RAB3C: variants seen among roughly 807,000 people sequenced by gnomAD.
RAB3C encodes the protein ras-related protein Rab-3C.
A neutral mutation model predicts 26.4 loss-of-function variants in RAB3C; 17 were observed. That is an observed-to-expected ratio of 0.64 (90% CI 0.44 to 0.97). The LOEUF (loss-of-function observed/expected upper bound fraction) is 0.97, where lower values mean the gene tolerates loss of function less well. Ranked by LOEUF, RAB3C falls within the 50% of genes least tolerant of loss-of-function variation. RAB3C has a pLI of 0.00. For missense variants in RAB3C, 242 were observed against 281.9 expected (o/e 0.86, Z 1.01); for synonymous variants, 91 against 95.9 (o/e 0.95, Z 0.30).
intron 3 of RAB3C, among the ~76,000 whole-genome samples, chr5:58,805,239 T>C (rs1358776922): frequency 2.0e-5 from 3 of 152,120 alleles, no homozygotes; most frequent in African/African-American, 7.2e-5. Flanking sequence ...ATAATGCTTT[T>C]ATAGCAATAC....
intron 3 of RAB3C, among the ~76,000 whole-genome samples, chr5:58,813,592 T>TTATATATATATATATA (rs869039335): frequency 1.5e-4 from 7 of 47,802 alleles, no homozygotes; most frequent in East Asian, 5.0e-4. Flanking sequence ...ATATTTATAT[T>TTATATATATATATATA]TATATATATA....
intron 4 of RAB3C, among the ~76,000 whole-genome samples, chr5:58,839,349 T>TTTTATTTTATTTA (rs1743824698): frequency 1.0e-5 from 1 of 98,784 alleles, no homozygotes; most frequent in Non-Finnish European, 2.5e-5. Context: ...TAAGTTTTTA[T>TTTTATTTTATTTA]TTTATTTATT....
intron 2 of RAB3C, among the ~76,000 whole-genome samples, chr5:58,705,306 C>T (rs1465265103): frequency 6.6e-6 from 1 of 152,148 alleles, no homozygotes; most frequent in Non-Finnish European, 1.5e-5. Context: ...AACAGCTTCT[C>T]ACAAGCGAAT....
intron 3 of RAB3C, among the ~76,000 whole-genome samples, chr5:58,818,096 C>T (rs778669753): frequency 2.6e-5 from 4 of 152,130 alleles, no homozygotes; most frequent in Non-Finnish European, 4.4e-5. Context: ...CCCTAATCGA[C>T]AATTGTTTTT....
intron 1 of RAB3C, among the ~76,000 whole-genome samples, chr5:58,610,025 A>G (rs1746661835): frequency 6.6e-6 from 1 of 152,114 alleles, no homozygotes; most frequent in African/African-American, 2.4e-5. Flanking sequence ...CTGAGAGACA[A>G]ACGTGGAGAC....
At chr5:58,690,940 C>T (rs923721618) in intron 2 of RAB3C, among the ~76,000 whole-genome samples, 2 of 152,010 alleles carry the variant, frequency 1.3e-5, no homozygotes, top group African/African-American at 4.8e-5. Context: ...AGCAATTGAT[C>T]ATAAGATAAG....
chr5:58,703,234 G>A (rs1748883273), intron 2 of RAB3C, among the ~76,000 whole-genome samples: 1 of 152,114 alleles, frequency 6.6e-6, no homozygotes, highest in East Asian at 1.9e-4. Flanking sequence ...CCAGGCTGGA[G>A]TGCAATGGTG....
At chr5:58,732,336 C>T (rs1267717590) in intron 3 of RAB3C, among the ~76,000 whole-genome samples, 4 of 151,722 alleles carry the variant, frequency 2.6e-5, no homozygotes, top group South Asian at 4.2e-4. Flanking sequence ...ATATAGCTCT[C>T]ATTATAGGAA....
At chr5:58,816,601 T>C (rs1743223352) in intron 3 of RAB3C, among the ~76,000 whole-genome samples, 1 of 152,186 alleles carries the variant, frequency 6.6e-6, no homozygotes, top group African/African-American at 2.4e-5. Context: ...CTGGTACAGA[T>C]TATCCCATAC....
chr5:58,656,196 A>G (rs1026779603), intron 2 of RAB3C, among the ~76,000 whole-genome samples: 1 of 152,214 alleles, frequency 6.6e-6, no homozygotes, highest in Non-Finnish European at 1.5e-5. Context: ...ACCAAAAACA[A>G]CTAGAAGTTT....
chr5:58,813,604 A>G (rs1451973327), intron 3 of RAB3C, among the ~76,000 whole-genome samples: 1 of 12,288 alleles, frequency 8.1e-5, no homozygotes, highest in Admixed American at 5.9e-4. Flanking sequence ...ATATATATAT[A>G]TATATATATA....
intron 3 of RAB3C, among the ~76,000 whole-genome samples, chr5:58,744,474 A>G (rs1741349873): frequency 6.6e-6 from 1 of 152,234 alleles, no homozygotes; most frequent in South Asian, 2.1e-4. Context: ...TGACATCTCC[A>G]GCTAATTCAG....
intron 2 of RAB3C, among the ~76,000 whole-genome samples, chr5:58,725,026 A>T (rs541614572): frequency 6.6e-6 from 1 of 151,814 alleles, no homozygotes; most frequent in African/African-American, 2.4e-5. Context: ...TAATTTTACC[A>T]GTGGGTTTTA....
chr5:58,660,633 T>C, intron 2 of RAB3C, among the ~76,000 whole-genome samples: 1 of 150,364 alleles, frequency 6.7e-6, no homozygotes, highest in Admixed American at 6.6e-5. Context: ...GTCAGTGTAA[T>C]TAATGCCAAC....
intron 4 of RAB3C, chr5:58,847,012 A>G (rs1490487617): frequency 1.3e-5 from 2 of 152,134 alleles, no homozygotes; most frequent in Admixed American, 6.5e-5. Context: ...GAGGAAGCCT[A>G]CAACAGAGAT....
chr5:58,627,471 T>TAAAAAAAAAAAAAA (rs58104232), intron 2 of RAB3C, among the ~76,000 whole-genome samples: 1 of 68,444 alleles, frequency 1.5e-5, no homozygotes, highest in Non-Finnish European at 3.2e-5. Flanking sequence ...GACTCCGTCT[T>TAAAAAAAAAAAAAA]AAAAAAAAAA....
intron 3 of RAB3C, among the ~76,000 whole-genome samples, chr5:58,798,640 G>C (rs921598884): frequency 1.3e-5 from 2 of 152,038 alleles, no homozygotes; most frequent in African/African-American, 4.8e-5. Flanking sequence ...TTACCTTCAG[G>C]CTATGTGTAT....
At chr5:58,603,102 G>A (rs1243428625) in intron 1 of RAB3C, among the ~76,000 whole-genome samples, 1 of 152,078 alleles carries the variant, frequency 6.6e-6, no homozygotes, top group East Asian at 1.9e-4. Context: ...AGAATTCTTG[G>A]CTGATAATCG....
intron 3 of RAB3C, among the ~76,000 whole-genome samples, chr5:58,739,926 T>C (rs1327850517): frequency 6.6e-6 from 1 of 152,226 alleles, no homozygotes; most frequent in Non-Finnish European, 1.5e-5. Flanking sequence ...CATTAGTGGA[T>C]GGTAGGAGAG....
Sources: allele counts gnomAD v4.1 joint callset (sites outside exome capture counted in the v4.1 genomes callset), GRCh38; gene constraint gnomAD v4.1.1; transcripts MANE v1.5; gene names NCBI Gene and HGNC (gene_info 2026-07-23, HGNC 2026-07-21).